Variants in EYS observed in about 807,000 individuals in gnomAD.
EYS encodes the protein EGF-like photoreceptor maintenance factor.
EYS carries 250 observed loss-of-function variants against 282.1 expected under a neutral mutation model. The ratio of observed to expected loss-of-function variants is 0.89; its 90% confidence interval spans 0.80 to 0.98. The LOEUF (loss-of-function observed/expected upper bound fraction) is 0.98. Among genes scored for constraint, EYS ranks in the 50% least tolerant of loss-of-function variants. The pLI is 0.00. For synonymous variants in EYS, 1,355 were observed against 1,282.9 expected (o/e 1.06, Z -1.20); for missense variants, 4,016 against 3,709.0 (o/e 1.08, Z -2.15).
intron 12 of EYS, among the ~76,000 whole-genome samples, chr6:65,187,810 A>G (rs1300881245): frequency 6.6e-6 from 1 of 151,702 alleles, no homozygotes; most frequent in Non-Finnish European, 1.5e-5. Flanking sequence ...CTGAAAACTT[A>G]TTGGAATTGG....
At chr6:64,332,945 T>G (rs946851827) in intron 29 of EYS, among the ~76,000 whole-genome samples, 1 of 152,200 alleles carries the variant, frequency 6.6e-6, no homozygotes, top group Non-Finnish European at 1.5e-5. Flanking sequence ...AGTTTAATCA[T>G]ATTAGTAATA....
intron 24 of EYS, among the ~76,000 whole-genome samples, chr6:64,613,604 G>A (rs910477539): frequency 6.6e-6 from 1 of 152,142 alleles, no homozygotes; most frequent in African/African-American, 2.4e-5. Context: ...GCTTACCAGA[G>A]CAGAAATTCA....
rs544071510 is a variant in EYS at position 64,318,784 on chromosome 6, A to G, written c.6079-11702T>C. On this transcript the variant is annotated intron_variant, in intron 29 of 42. Coordinates refer to ENST00000503581, the MANE Select transcript of EYS (RefSeq NM_001142800.2). ...AAAAATTATTATTTATTTTATAGAT[A>G]TATAGTAGGTATAGATATTTGTGGG... is the stretch of plus-strand genomic sequence containing the variant. Among the ~76,000 whole-genome samples, 4 of 151,816 alleles carry G rather than the reference A, an allele frequency of 2.6e-5. No individual in the cohort carries two copies. In the South Asian group the frequency reaches 8.3e-4, roughly 32 times the overall value.
intron 26 of EYS, among the ~76,000 whole-genome samples, chr6:64,484,846 C>T (rs770619890): frequency 2.6e-5 from 4 of 151,416 alleles, no homozygotes; most frequent in Non-Finnish European, 5.9e-5. Context: ...AGAAATACAA[C>T]ACATCTTCAA....
intron 36 of EYS, among the ~76,000 whole-genome samples, chr6:63,826,865 G>GAAAAAAAAAAAAAAAA (rs1771481621): frequency 1.1e-5 from 1 of 88,330 alleles, no homozygotes; most frequent in Non-Finnish European, 2.4e-5. Flanking sequence ...AAAAAAAAAA[G>GAAAAAAAAAAAAAAAA]GACAAAAACA....
chr6:63,720,495 ATATAG>A lies in EYS; in HGVS notation c.*96_*100del. 1.2e-6 allele frequency: 1 copy of A among 804,890 alleles called. No homozygotes were observed. Among genetic ancestry groups the A allele is most frequent in the Non-Finnish European group, 1.9e-6 (1 of 531,574 alleles). 49.9% of individuals were successfully genotyped at this position (804,890 alleles called of 1,614,324 possible). A position where few individuals can be genotyped will look rare whatever the true frequency, so the allele number is the denominator to read the frequency against. Reference sequence around the variant, plus strand: ...GTTAGCATTTAGACTATTTCAGGTAATATAGTAAACAGTTGATTCCCCGTAAGCAA... The same window carrying A: ...GTTAGCATTTAGACTATTTCAGGTAATAAACAGTTGATTCCCCGTAAGCAA... On this transcript the variant is annotated 3_prime_UTR_variant, in exon 43 of 43. Coordinates refer to ENST00000503581, the MANE Select transcript of EYS (RefSeq NM_001142800.2).
At chr6:64,468,640 T>A (rs920313146) in intron 26 of EYS, among the ~76,000 whole-genome samples, 4 of 152,182 alleles carry the variant, frequency 2.6e-5, no homozygotes, top group African/African-American at 9.7e-5. Context: ...TATTTTTTGA[T>A]CCTCACCCTC....
rs560929553 is a variant in EYS, at chr6:64,630,747, G to T, written c.3444-4502C>A. The stretch of plus-strand genomic sequence containing the variant: ...TTTTAATGTTAAACTTTTACTCTTT[G>T]TTCCTTCAAGGTTATGTGATGTTTA... On this transcript the variant is annotated intron_variant, in intron 22 of 42. Transcript: ENST00000503581. Among the ~76,000 whole-genome samples the T allele has an allele frequency of 4.5e-4, 68 of 152,178 alleles. No homozygotes were observed. In the South Asian group the frequency reaches 9.7e-3, roughly 22 times the overall value.
chr6:64,526,563 T>C lies in EYS; in HGVS notation c.5644+63660A>G, dbSNP rs1777926676. Reference sequence around the variant, plus strand: ...CATAGGTTGTACCATCTCTGTTACATTATTATGTATGTATACAATATGACT... The same window carrying C: ...CATAGGTTGTACCATCTCTGTTACACTATTATGTATGTATACAATATGACT... On this transcript the variant is annotated intron_variant, in intron 26 of 42. Coordinates refer to ENST00000503581, the MANE Select transcript of EYS (RefSeq NM_001142800.2). 2.6e-5 allele frequency among the ~76,000 whole-genome samples: 4 copies of C among 151,898 alleles called. 1 individual carries two copies. In the South Asian group the frequency reaches 8.3e-4, roughly 31 times the overall value.
chr6:65,219,311 A>C (rs1484906455), intron 12 of EYS, among the ~76,000 whole-genome samples: 1 of 152,148 alleles, frequency 6.6e-6, no homozygotes, highest in Non-Finnish European at 1.5e-5. Flanking sequence ...AATAAACCGG[A>C]ATGTTGATTT....
At chr6:64,350,135 T>G (rs904684088) in intron 29 of EYS, among the ~76,000 whole-genome samples, 2 of 151,542 alleles carry the variant, frequency 1.3e-5, no homozygotes, top group African/African-American at 4.8e-5. Flanking sequence ...GTGTCTCTAC[T>G]CAGAGTCTAA....
intron 15 of EYS, among the ~76,000 whole-genome samples, chr6:64,938,321 G>A (rs1347636520): frequency 6.6e-6 from 1 of 150,902 alleles, no homozygotes; most frequent in African/African-American, 2.4e-5. Flanking sequence ...GATGAATATA[G>A]TATAATAAGA....
At chr6:63,812,468 C>T (rs1024996247) in intron 36 of EYS, among the ~76,000 whole-genome samples, 30 of 152,218 alleles carry the variant, frequency 2.0e-4, no homozygotes, top group African/African-American at 6.5e-4. Flanking sequence ...GTCTCTTAAC[C>T]TGCTTTATTT....
At chr6:64,729,277 C>A (rs1771876048) in intron 22 of EYS, among the ~76,000 whole-genome samples, 1 of 152,278 alleles carries the variant, frequency 6.6e-6, no homozygotes, top group South Asian at 2.1e-4. Context: ...TCAAGAAACC[C>A]AAGTGAGATA....
chr6:64,866,233 C>T (rs80334981), intron 19 of EYS, among the ~76,000 whole-genome samples: 2,607 of 151,918 alleles, frequency 0.017, 76 homozygotes, highest in African/African-American at 0.06. Flanking sequence ...TTTACTGATA[C>T]TGGATTTCTT....
At chr6:64,337,213 T>C (rs1218063606) in intron 29 of EYS, among the ~76,000 whole-genome samples, 1 of 151,748 alleles carries the variant, frequency 6.6e-6, no homozygotes, top group Non-Finnish European at 1.5e-5. Flanking sequence ...AAAAGATAAA[T>C]ACAATTAATA....
intron 30 of EYS, among the ~76,000 whole-genome samples, chr6:64,257,496 A>G (rs994187738): frequency 1.3e-5 from 2 of 152,018 alleles, no homozygotes; most frequent in East Asian, 1.9e-4. Context: ...AGTGCATATC[A>G]TATATTATTA....
intron 2 of EYS, among the ~76,000 whole-genome samples, chr6:65,544,175 T>C (rs1768296634): frequency 6.6e-6 from 1 of 152,146 alleles, no homozygotes; most frequent in Non-Finnish European, 1.5e-5. Flanking sequence ...AACTTGGATA[T>C]GGATGTTGTT....
intron 12 of EYS, among the ~76,000 whole-genome samples, chr6:65,251,212 C>CA (rs1170613763): frequency 3.3e-5 from 5 of 150,412 alleles, no homozygotes; most frequent in African/African-American, 4.9e-5. Flanking sequence ...TATCTTCCAA[C>CA]AAAAAAATTA....
Sources: allele counts gnomAD v4.1 joint callset (sites outside exome capture counted in the v4.1 genomes callset), GRCh38; gene constraint gnomAD v4.1.1; transcripts MANE v1.5; gene names NCBI Gene and HGNC (gene_info 2026-07-23, HGNC 2026-07-21).